KLHL32: variants seen among roughly 807,000 people sequenced by gnomAD.
KLHL32 encodes kelch like family member 32.
A neutral mutation model predicts 64.8 loss-of-function variants in KLHL32; 35 were observed. The observed-to-expected ratio is 0.54, with a 90% confidence interval of 0.41 to 0.72. The LOEUF (loss-of-function observed/expected upper bound fraction) is 0.72. Ranked by LOEUF, KLHL32 falls within the 30% of genes least tolerant of loss-of-function variation. The pLI is 0.00. For synonymous variants in KLHL32, 259 were observed against 281.0 expected, an observed-to-expected ratio of 0.92 and a Z score of 0.78; for missense variants, 589 against 768.5, an observed-to-expected ratio of 0.77 and a Z score of 2.76.
intron 3 of KLHL32, among the ~76,000 whole-genome samples, chr6:97,019,225 C>T (rs1293861051): frequency 6.6e-6 from 1 of 152,160 alleles, no homozygotes; most frequent in African/African-American, 2.4e-5. Flanking sequence ...TTAATATGGA[C>T]TTGAAGAAGT....
At chr6:96,979,828 A>G (rs1323288020) in intron 3 of KLHL32, among the ~76,000 whole-genome samples, 2 of 152,078 alleles carry the variant, frequency 1.3e-5, no homozygotes, top group Non-Finnish European at 2.9e-5. Flanking sequence ...TATCATCGCT[A>G]ATTTCAATGA....
Position 97,135,578 on chromosome 6 carries a change from G to A in KLHL32, c.1701+2831G>A, listed in dbSNP as rs185078494. ...CTCCCAAAGTGCTGGGATTACAGGC[G>A]TGAGCCACTGCATCTGGACGATTTG... On this transcript the variant is annotated intron_variant, in intron 10 of 10. Transcript: ENST00000369261. Among the ~76,000 whole-genome samples the A allele has an allele frequency of 4.4e-3, 673 of 152,158 alleles. 3 individuals are homozygous for A. The highest frequency in any genetic ancestry group is 0.014 in the African/African-American group (596 of 41,514).
chr6:96,985,027 T>TG (rs146784140), intron 3 of KLHL32, among the ~76,000 whole-genome samples: 112,545 of 151,640 alleles, frequency 0.74, 42,095 homozygotes, highest in African/African-American at 0.82. Flanking sequence ...TTCCTTTCCA[T>TG]TTTAGTGCTT....
At chr6:96,989,050 C>T (rs547288151) in intron 3 of KLHL32, among the ~76,000 whole-genome samples, 3 of 152,282 alleles carry the variant, frequency 2.0e-5, no homozygotes, top group Non-Finnish European at 2.9e-5. Context: ...CACATGTATA[C>T]ATATGTAACA....
intron 4 of KLHL32, among the ~76,000 whole-genome samples, chr6:97,051,841 C>T (rs1786960450): frequency 6.6e-6 from 1 of 152,122 alleles, no homozygotes; most frequent in South Asian, 2.1e-4. Flanking sequence ...TGAACTTTTT[C>T]TCTTATTGAG....
chr6:96,969,966 T>C (rs1321498834), intron 2 of KLHL32, among the ~76,000 whole-genome samples: 1 of 152,218 alleles, frequency 6.6e-6, no homozygotes, highest in African/African-American at 2.4e-5. Context: ...CTTTCATTTG[T>C]TTCCTGTTCT....
At chr6:97,088,303 A>G (rs1046979126) in intron 6 of KLHL32, among the ~76,000 whole-genome samples, 5 of 152,218 alleles carry the variant, frequency 3.3e-5, no homozygotes, top group Non-Finnish European at 5.9e-5. Flanking sequence ...CAAATTGACT[A>G]TTGGGTTCAA....
At chr6:97,130,619 A>G (rs1157550487) in intron 8 of KLHL32, 138 bp from the exon 9 acceptor site, 1 of 620,790 alleles carries the variant, frequency 1.6e-6, no homozygotes, top group African/African-American at 1.8e-5. Context: ...CTTTCAATAT[A>G]TATAAACAAC....
intron 5 of KLHL32, among the ~76,000 whole-genome samples, chr6:97,079,696 C>G (rs895742843): frequency 3.9e-5 from 6 of 152,036 alleles, no homozygotes; most frequent in Admixed American, 6.6e-5. Flanking sequence ...GTCATTCACA[C>G]TATGAGAAAC....
At chr6:97,116,597 T>C (rs781505927) in intron 7 of KLHL32, among the ~76,000 whole-genome samples, 1 of 152,194 alleles carries the variant, frequency 6.6e-6, no homozygotes, top group Non-Finnish European at 1.5e-5. Context: ...ATATTCCTTG[T>C]GTTTTGGCTG....
chr6:96,944,808 G>C (rs1456758841), intron 1 of KLHL32, among the ~76,000 whole-genome samples: 1 of 152,062 alleles, frequency 6.6e-6, no homozygotes, highest in African/African-American at 2.4e-5. Context: ...GCTGTACTTG[G>C]GAAAATAAAA....
At chr6:96,995,876 A>G (rs1273964859) in intron 3 of KLHL32, among the ~76,000 whole-genome samples, 2 of 152,246 alleles carry the variant, frequency 1.3e-5, no homozygotes, top group Admixed American at 6.5e-5. Flanking sequence ...ATTATGTACT[A>G]TGTGTGGCAG....
chr6:96,997,600 G>A (rs969779971), intron 3 of KLHL32, among the ~76,000 whole-genome samples: 5 of 152,032 alleles, frequency 3.3e-5, no homozygotes, highest in African/African-American at 1.2e-4. Flanking sequence ...AAAATTAGCT[G>A]GGTGTAGTGG....
At chr6:96,963,189 C>A (rs1253045818) in intron 1 of KLHL32, among the ~76,000 whole-genome samples, 1 of 152,046 alleles carries the variant, frequency 6.6e-6, no homozygotes, top group Non-Finnish European at 1.5e-5. Context: ...GATGACTAAC[C>A]CAAAGGAGTG....
intron 5 of KLHL32, among the ~76,000 whole-genome samples, chr6:97,067,940 G>A (rs1372700584): frequency 1.3e-5 from 2 of 152,122 alleles, no homozygotes; most frequent in African/African-American, 4.8e-5. Flanking sequence ...GATATCCTCA[G>A]TGGCGGGCAG....
chr6:97,049,813 T>C (rs1313506341), intron 4 of KLHL32, among the ~76,000 whole-genome samples: 3 of 152,234 alleles, frequency 2.0e-5, no homozygotes, highest in Admixed American at 1.3e-4. Context: ...CAGTGCATTA[T>C]TGAAACAAAC....
At chr6:96,978,978 CT>C (rs1424167271) in intron 3 of KLHL32, among the ~76,000 whole-genome samples, 8 of 152,072 alleles carry the variant, frequency 5.3e-5, no homozygotes, top group African/African-American at 9.6e-5. Flanking sequence ...CTTTTGCCCC[CT>C]TTTTTTATGG....
upstream of KLHL32, among the ~76,000 whole-genome samples, chr6:96,922,628 C>T (rs1486452234): frequency 6.6e-6 from 1 of 152,130 alleles, no homozygotes; most frequent in Non-Finnish European, 1.5e-5. Flanking sequence ...ATTCTAGGAG[C>T]TCAAAAAATT....
chr6:97,112,141 C>T (rs1236525142), intron 6 of KLHL32, among the ~76,000 whole-genome samples: 1 of 152,134 alleles, frequency 6.6e-6, no homozygotes, highest in Non-Finnish European at 1.5e-5. Context: ...GGGTGGGGCC[C>T]TCAGTGGGGA....
Sources: allele counts gnomAD v4.1 joint callset (sites outside exome capture counted in the v4.1 genomes callset), GRCh38; gene constraint gnomAD v4.1.1; transcripts MANE v1.5; gene names NCBI Gene and HGNC (gene_info 2026-07-23, HGNC 2026-07-21).